Variants in ARL14EPL observed in about 807,000 individuals in gnomAD.
ARL14EPL encodes ARF like GTPase 14 effector protein like.
Under a neutral mutation model 15.9 loss-of-function variants are expected in ARL14EPL, and 17 were observed. The ratio of observed to expected loss-of-function variants is 1.07; its 90% CI spans 0.73 to 1.60. The LOEUF (loss-of-function observed/expected upper bound fraction) is 1.60, where lower values mean the gene tolerates loss of function less well. Ranked by LOEUF, ARL14EPL falls within the 40% of genes most tolerant of loss-of-function variation. ARL14EPL has a pLI of 0.00. For synonymous variants in ARL14EPL, 78 were observed against 63.8 expected, an observed-to-expected ratio of 1.22 and a Z score of -1.06; for missense variants, 214 against 185.9, an observed-to-expected ratio of 1.15 and a Z score of -0.88.
chr5:116,058,411 T>G (rs1280379289), intron 3 of ARL14EPL, among the ~76,000 whole-genome samples: 1 of 152,206 alleles, frequency 6.6e-6, no homozygotes, highest in Non-Finnish European at 1.5e-5. Context: ...CTCATAATTT[T>G]CTTAGGTAGA....
At chr5:116,054,735 G>T (rs1451885499) in intron 3 of ARL14EPL, among the ~76,000 whole-genome samples, 1 of 152,060 alleles carries the variant, frequency 6.6e-6, no homozygotes, top group Non-Finnish European at 1.5e-5. Context: ...GGAGGCTGAG[G>T]CAGGTGAATC....
chr5:116,054,968 G>A (rs952682241), intron 3 of ARL14EPL, among the ~76,000 whole-genome samples: 2 of 151,936 alleles, frequency 1.3e-5, no homozygotes, highest in South Asian at 4.1e-4. Flanking sequence ...ACACCATAAA[G>A]TAGGAGAAGT....
chr5:116,050,603 C>A (rs1481799933), intron 1 of ARL14EPL, among the ~76,000 whole-genome samples: 4 of 152,112 alleles, frequency 2.6e-5, no homozygotes, highest in Non-Finnish European at 4.4e-5. Flanking sequence ...ATGATAACGC[C>A]TAACTCTTAA....
chr5:116,044,766 A>G (rs1455308406), intron 1 of ARL14EPL, among the ~76,000 whole-genome samples: 2 of 151,880 alleles, frequency 1.3e-5, no homozygotes, highest in African/African-American at 4.8e-5. Flanking sequence ...CCCTTCCTTC[A>G]TTTTCTACCT....
intron 3 of ARL14EPL, among the ~76,000 whole-genome samples, chr5:116,056,380 G>C (rs1263029077): frequency 6.6e-6 from 1 of 152,144 alleles, no homozygotes; most frequent in Non-Finnish European, 1.5e-5. Flanking sequence ...GTTTTGATTT[G>C]CATTTCTCTG....
intron 1 of ARL14EPL, among the ~76,000 whole-genome samples, chr5:116,042,346 GA>G (rs1749175878): frequency 6.6e-6 from 1 of 152,200 alleles, no homozygotes; most frequent in Non-Finnish European, 1.5e-5. Context: ...GGCTCATTAA[GA>G]AGTATTTATC....
At chr5:116,038,021 A>G (rs1222288471) in intron 1 of ARL14EPL, among the ~76,000 whole-genome samples, 1 of 152,210 alleles carries the variant, frequency 6.6e-6, no homozygotes, top group African/African-American at 2.4e-5. Context: ...CATGCACAGC[A>G]GGAATATTAT....
At position 116,054,070 on chromosome 5, in the gene ARL14EPL, AG is replaced by A. The variant is rs1230144336; in HGVS notation, c.154del (p.Ala52GlnfsTer19). 6.5e-7 allele frequency: 1 copy of A among 1,535,762 alleles called. No individual in the cohort carries two copies. The highest frequency in any genetic ancestry group is 8.7e-7 in the Non-Finnish European group (1 of 1,146,754). ...CATTTCGAAACCCTGGACCACAGGT[AG>A]CAGACTTTAATCCTGAAACAAGGCA... ...LAFRNPGPQVADFNPETRQQK... is the reference protein window; with the variant it reads ...LAFRNPGPQVXDFNPETRQQK... On this transcript the variant is annotated frameshift_variant, in exon 3 of 4. Coordinates refer to ENST00000686077, the MANE Select transcript of ARL14EPL (RefSeq NM_001195581.2). LOFTEE classifies it high-confidence loss of function.
intron 3 of ARL14EPL, among the ~76,000 whole-genome samples, chr5:116,057,049 C>A (rs1317214172): frequency 6.6e-6 from 1 of 152,136 alleles, no homozygotes; most frequent in Non-Finnish European, 1.5e-5. Context: ...AAACCAAATC[C>A]AGCAGCATAT....
intron 1 of ARL14EPL, among the ~76,000 whole-genome samples, chr5:116,044,492 T>C (rs1749227537): frequency 8.6e-6 from 1 of 115,664 alleles, no homozygotes; most frequent in South Asian, 2.8e-4. Flanking sequence ...CGTGTGTATA[T>C]ATGTGTGTGT....
At chr5:116,051,665 C>G in intron 2 of ARL14EPL, 104 bp downstream of exon 2, 1 of 989,260 alleles carries the variant, frequency 1.0e-6, no homozygotes. Context: ...CAGGCAGGAC[C>G]TCACAGGGAG....
chr5:116,040,368 A>T (rs1389837132), intron 1 of ARL14EPL, among the ~76,000 whole-genome samples: 1 of 151,614 alleles, frequency 6.6e-6, no homozygotes, highest in Admixed American at 6.6e-5. Flanking sequence ...TTTGGCTATA[A>T]TCGAAATTAA....
intron 1 of ARL14EPL, among the ~76,000 whole-genome samples, chr5:116,035,487 T>G (rs1009070854): frequency 2.6e-5 from 4 of 152,178 alleles, no homozygotes; most frequent in African/African-American, 9.7e-5. Context: ...CCAAATCGGC[T>G]TTTTTGACTG....
chr5:116,044,010 A>T (rs76785560), intron 1 of ARL14EPL, among the ~76,000 whole-genome samples: 2,414 of 152,274 alleles, frequency 0.016, 58 homozygotes, highest in African/African-American at 0.054. Context: ...CATTTTATCA[A>T]TCTGGAACTG....
intron 1 of ARL14EPL, among the ~76,000 whole-genome samples, chr5:116,038,735 T>C (rs1223233848): frequency 6.6e-6 from 1 of 151,886 alleles, no homozygotes; most frequent in Non-Finnish European, 1.5e-5. Flanking sequence ...AAGATGAAAA[T>C]TCAATGCACT....
At chr5:116,051,950 G>A (rs3733899) in intron 2 of ARL14EPL, 44,212 of 1,609,630 alleles carry the variant, frequency 0.027, 1,030 homozygotes, top group East Asian at 0.13. Context: ...TCCACCCTTG[G>A]TATTTCTGGT....
chr5:116,058,694 G>T (rs1285944969), intron 3 of ARL14EPL, 31 bp from the exon 4 acceptor site: 2 of 1,523,430 alleles, frequency 1.3e-6, no homozygotes, highest in Non-Finnish European at 1.8e-6. Context: ...TGATTGCACT[G>T]TCATCTTAAT....
intron 1 of ARL14EPL, among the ~76,000 whole-genome samples, chr5:116,035,905 C>A (rs967459305): frequency 6.6e-6 from 1 of 152,200 alleles, no homozygotes; most frequent in Non-Finnish European, 1.5e-5. Context: ...GAAGGAAAAA[C>A]CATTGCTGGG....
At chr5:116,054,877 A>G (rs950451568) in intron 3 of ARL14EPL, among the ~76,000 whole-genome samples, 1 of 151,468 alleles carries the variant, frequency 6.6e-6, no homozygotes, top group Admixed American at 6.6e-5. Context: ...ATAAACTAAG[A>G]AAACTATAAA....
Sources: gnomAD v4.1 joint callset for allele counts (sites outside exome capture counted in the v4.1 genomes callset) on GRCh38, gnomAD v4.1.1 for gene constraint, MANE v1.5 for transcripts, NCBI Gene and HGNC (gene_info 2026-07-23, HGNC 2026-07-21) for gene names.